Variants in MACROH2A2 observed in about 807,000 individuals in gnomAD.
MACROH2A2 encodes the protein macroH2A.2 histone.
MACROH2A2 carries 6 observed loss-of-function variants against 37.6 expected under a neutral mutation model. That is an observed-to-expected ratio of 0.16 (90% CI 0.09 to 0.32). The LOEUF is 0.32. Among genes scored for constraint, MACROH2A2 ranks in the 10% least tolerant of loss-of-function variants. MACROH2A2 has a pLI of 1.00. For missense variants in MACROH2A2, 290 were observed against 485.9 expected, an observed-to-expected ratio of 0.60 and a Z score of 3.79; for synonymous variants, 192 against 202.7, an observed-to-expected ratio of 0.95 and a Z score of 0.45.
At chr10:70,088,590 A>G (rs943304950) in intron 2 of MACROH2A2, among the ~76,000 whole-genome samples, 5 of 152,226 alleles carry the variant, frequency 3.3e-5, no homozygotes, top group Non-Finnish European at 5.9e-5. Context: ...ATGTTTTCAC[A>G]TTGGCCAAGT....
At chr10:70,082,275 C>T (rs1011935907) in intron 2 of MACROH2A2, among the ~76,000 whole-genome samples, 16 of 151,968 alleles carry the variant, frequency 1.1e-4, no homozygotes, top group Non-Finnish European at 1.0e-4. Context: ...CAAAATTAGC[C>T]GGGTGTGGTG....
intron 1 of MACROH2A2, among the ~76,000 whole-genome samples, chr10:70,067,296 T>C (rs2072084998): frequency 6.6e-6 from 1 of 152,250 alleles, no homozygotes; most frequent in Non-Finnish European, 1.5e-5. Context: ...CAACTATAGT[T>C]AATAACTTCA....
chr10:70,066,330 A>C (rs1054580802), intron 1 of MACROH2A2, among the ~76,000 whole-genome samples: 1 of 152,190 alleles, frequency 6.6e-6, no homozygotes, highest in Non-Finnish European at 1.5e-5. Context: ...TCTCAAAAAA[A>C]GAAAGAAAGA....
At position 70,078,597 on chromosome 10, in the gene MACROH2A2, C is replaced by A. The variant is rs1589834321; in HGVS notation, c.172+2767C>A. On this transcript the variant is annotated intron_variant, in intron 2 of 8. Coordinates refer to ENST00000373255, the MANE Select transcript of MACROH2A2 (RefSeq NM_018649.3). The stretch of plus-strand genomic sequence containing the variant: ...CAGAACTAACTCTTTTAACCTCATT[C>A]AATGAGCTAATATGTGTAAAACACC... Among the ~76,000 whole-genome samples, 6 of 152,232 alleles carry A rather than the reference C, an allele frequency of 3.9e-5. 1 individual carries two copies. In the South Asian group the frequency reaches 1.2e-3, roughly 32 times the overall value.
rs553155331 is a variant in MACROH2A2, at chr10:70,062,929, C to T, written c.-60+9929C>T. ...AAAAGACTACAAATCAGGTTCAGTACACCAAAATCTCACAAATCACCACTG... is the reference window on the plus strand; with the variant it reads ...AAAAGACTACAAATCAGGTTCAGTATACCAAAATCTCACAAATCACCACTG... On this transcript the variant is annotated intron_variant, in intron 1 of 8. Transcript: ENST00000373255. Among the ~76,000 whole-genome samples the T allele has an allele frequency of 2.0e-5, 3 of 152,174 alleles. No homozygotes were observed. In the East Asian group the frequency reaches 5.8e-4, roughly 29 times the overall value.
At chr10:70,081,252 T>G (rs2072174901) in intron 2 of MACROH2A2, among the ~76,000 whole-genome samples, 1 of 152,074 alleles carries the variant, frequency 6.6e-6, no homozygotes, top group Admixed American at 6.6e-5. Context: ...GAAAAGTGCT[T>G]AGCACCGCTC....
In MACROH2A2 at chr10:70,091,944, C is replaced by A; in HGVS notation, c.467C>A (p.Thr156Lys). The change falls in exon 4 of 9, where the codon ACG becomes AAG. Residue 156 changes from threonine to lysine, a missense_variant. Around this residue, in one of 3 missense-constraint regions of MACROH2A2, gnomAD observed 77 missense variants for 68.9 expected, o/e 1.12. Transcript: ENST00000373255. The part of the protein sequence containing the change: ...GKKSKAAKPR[T>K]SKKSKPKDSD... Reference sequence around the variant, plus strand: ...AAATCCAAGGCTGCCAAACCACGGACGTCCAAAAAGGTAGGCCGAGGCTGC... The same window carrying A: ...AAATCCAAGGCTGCCAAACCACGGAAGTCCAAAAAGGTAGGCCGAGGCTGC... 3 of 1,613,276 alleles carry A rather than the reference C, an allele frequency of 1.9e-6. No homozygotes were observed. The highest frequency in any genetic ancestry group is 2.5e-6 in the Non-Finnish European group (3 of 1,179,808).
At chr10:70,106,009 A>C (rs982206059) in intron 7 of MACROH2A2, among the ~76,000 whole-genome samples, 13 of 152,158 alleles carry the variant, frequency 8.5e-5, no homozygotes, top group Non-Finnish European at 1.2e-4. Context: ...CCAGACACGC[A>C]GGAAGAAGAG....
At chr10:70,083,556 A>G (rs2072194026) in intron 2 of MACROH2A2, among the ~76,000 whole-genome samples, 1 of 151,976 alleles carries the variant, frequency 6.6e-6, no homozygotes, top group Non-Finnish European at 1.5e-5. Flanking sequence ...GGCCACAGGC[A>G]TGGCCAGGAA....
At chr10:70,079,169 A>G (rs1354522070) in intron 2 of MACROH2A2, among the ~76,000 whole-genome samples, 1 of 152,044 alleles carries the variant, frequency 6.6e-6, no homozygotes, top group Non-Finnish European at 1.5e-5. Context: ...AATCTAACAG[A>G]AGTGTTGTTA....
intron 1 of MACROH2A2, among the ~76,000 whole-genome samples, chr10:70,066,344 CAA>C (rs1224057316): frequency 6.6e-6 from 1 of 152,072 alleles, no homozygotes; most frequent in Non-Finnish European, 1.5e-5. Flanking sequence ...AGAAAGAAAA[CAA>C]AGTTTACTTC....
chr10:70,108,323 T>TA (rs1201239405), intron 7 of MACROH2A2, among the ~76,000 whole-genome samples: 8 of 152,238 alleles, frequency 5.3e-5, no homozygotes, highest in African/African-American at 1.9e-4. Context: ...TTTGTCTTCT[T>TA]ACAGTTCTGG....
intron 4 of MACROH2A2, 80 bp downstream of exon 4, chr10:70,092,034 G>A (rs2072248536): frequency 8.7e-7 from 1 of 1,148,610 alleles, no homozygotes; most frequent in Non-Finnish European, 1.3e-6. Flanking sequence ...CAATTCATAT[G>A]TTGAAACCTA....
At chr10:70,079,608 G>GACACACACACAC (rs1554822102) in intron 2 of MACROH2A2, among the ~76,000 whole-genome samples, 10 of 79,946 alleles carry the variant, frequency 1.3e-4, no homozygotes, top group Non-Finnish European at 2.8e-4. Flanking sequence ...CACACACACG[G>GACACACACACAC]CAGAGGAGGC....
chr10:70,067,430 T>C (rs143111107), intron 1 of MACROH2A2, among the ~76,000 whole-genome samples: 394 of 152,310 alleles, frequency 2.6e-3, no homozygotes, highest in African/African-American at 8.8e-3. Flanking sequence ...GACTCAAGAA[T>C]TCCGATGCTG....
At chr10:70,057,565 C>G (rs956519993) in intron 1 of MACROH2A2, among the ~76,000 whole-genome samples, 1 of 152,174 alleles carries the variant, frequency 6.6e-6, no homozygotes, top group Non-Finnish European at 1.5e-5. Flanking sequence ...GGGTTCTCAG[C>G]AGATGATGTG....
Position 70,075,826 on chromosome 10 carries a change from G to A in MACROH2A2, c.168G>A (p.Leu56=). ...ACATGGCGGCAGTCATTGAGTACCT[G>A]GCAGGTAATGAGGACACGCAAAGGA... ...PVYMAAVIEY[L]AAEILELAGN... is the part of the protein sequence containing the mutation. The change falls in exon 2 of 9, where the codon CTG becomes CTA. Residue 56 remains leucine (L), a synonymous_variant. Transcript: ENST00000373255. This position sits in a 1 kb window ranked among gnomAD's most constrained non-coding sequence, Gnocchi z 5.0. The A allele has an allele frequency of 6.2e-7, 1 of 1,612,460 alleles. No individual in the cohort carries two copies. The highest frequency in any genetic ancestry group is 8.5e-7 in the Non-Finnish European group (1 of 1,179,582).
chr10:70,064,742 C>T (rs919381032), intron 1 of MACROH2A2, among the ~76,000 whole-genome samples: 1 of 152,080 alleles, frequency 6.6e-6, no homozygotes, highest in Non-Finnish European at 1.5e-5. Context: ...TGGTTTTTGC[C>T]TCCCGCCCTG....
intron 2 of MACROH2A2, among the ~76,000 whole-genome samples, chr10:70,083,962 CAGTAGATATTGAT>C (rs149102182): frequency 0.012 from 1,777 of 151,800 alleles, 26 homozygotes; most frequent in East Asian, 0.035. Flanking sequence ...TATGTGCTGA[CAGTAGATATTGAT>C]AGTAGATATT....
Sources: gnomAD v4.1 joint callset for allele counts (sites outside exome capture counted in the v4.1 genomes callset) on GRCh38, gnomAD v4.1.1 for gene constraint, gnomAD v4.1.1 regional missense constraint, Gnocchi (gnomAD v3.1) non-coding constraint, MANE v1.5 for transcripts, NCBI Gene and HGNC (gene_info 2026-07-23, HGNC 2026-07-21) for gene names.